The following GCM1 variants were observed in gnomAD, a reference collection of about 807,000 sequenced individuals.
GCM1 encodes GCM transcription factor 1, also known as chorion-specific transcription factor GCMa.
A neutral mutation model predicts 25.7 loss-of-function variants in GCM1; 2 were observed. The observed-to-expected ratio is 0.08, with a 90% CI of 0.03 to 0.24. The LOEUF (loss-of-function observed/expected upper bound fraction) is 0.24, where lower values mean the gene tolerates loss of function less well. Among genes scored for constraint, GCM1 ranks in the 10% least tolerant of loss-of-function variants. The pLI, the probability that GCM1 is intolerant of heterozygous loss-of-function variation, is 1.00. For synonymous variants in GCM1, 183 were observed against 195.7 expected (o/e 0.94, Z 0.54); for missense variants, 395 against 538.7 (o/e 0.73, Z 2.64).
In GCM1 at chr6:53,128,362, T is replaced by C. The variant is rs565567636; in HGVS notation, c.1155A>G (p.Gln385=). 1.1e-5 allele frequency: 17 copies of C among 1,613,940 alleles called. No homozygotes were observed. Among genetic ancestry groups the C allele is most frequent in the South Asian group, 3.3e-5 (3 of 91,086 alleles). ...CGTAGGTGAAGAGAAAGGGGTCTTC[T>C]TGAGGTGAATGGTATGCAGGAGACT... ...YVQSPAYHSP[Q]EDPFLFTYAS... Residue 385 remains glutamine, a synonymous_variant, in exon 6 of 6, where the codon CAA becomes CAG. Coordinates refer to ENST00000259803, the MANE Select transcript of GCM1 (RefSeq NM_003643.4).
intron 2 of GCM1, among the ~76,000 whole-genome samples, chr6:53,136,513 G>A (rs937832067): frequency 2.6e-5 from 4 of 152,158 alleles, no homozygotes; most frequent in Admixed American, 1.3e-4. Flanking sequence ...TTAAAATAGT[G>A]CCTCACACGC....
At chr6:53,131,068 G>T (rs1245694834) in intron 4 of GCM1, 137 bp from the exon 5 acceptor site, 2 of 776,722 alleles carry the variant, frequency 2.6e-6, no homozygotes, top group Non-Finnish European at 4.2e-6. Flanking sequence ...CAGACTGGAT[G>T]AACCTCTGAA....
Position 53,128,707 on chromosome 6 carries a change from A to G in GCM1, c.810T>C (p.Ser270=), listed in dbSNP as rs749561815. The change falls in exon 6 of 6, where the codon AGT becomes AGC. Residue 270 remains serine (S), a synonymous_variant. Transcript: ENST00000259803. ...GGTCTCCACTACTGTAGGTTCTGCT[A>G]CTGGACAATTTGCGCTTTTCATAGA... The part of the protein sequence containing the change: ...MKLYEKRKLS[S]SRTYSSGDLL... 1 of 1,614,136 alleles carries G rather than the reference A, an allele frequency of 6.2e-7. No homozygotes were observed. The highest frequency in any genetic ancestry group is 1.3e-5 in the African/African-American group (1 of 75,066).
chr6:53,139,689 A>G (rs866076427), intron 2 of GCM1, among the ~76,000 whole-genome samples: 2 of 151,866 alleles, frequency 1.3e-5, no homozygotes, highest in Non-Finnish European at 2.9e-5. Flanking sequence ...TTGAAACCCC[A>G]TCTCTACTAA....
chr6:53,140,530 CAAA>C (rs10629921), intron 2 of GCM1, among the ~76,000 whole-genome samples: 1,327 of 128,558 alleles, frequency 0.01, 29 homozygotes, highest in African/African-American at 0.036. Context: ...TTCTCTCTAC[CAAA>C]AAAAAAAAAA....
chr6:53,134,720 C>A (rs936842369), intron 2 of GCM1, among the ~76,000 whole-genome samples: 1 of 152,186 alleles, frequency 6.6e-6, no homozygotes, highest in Non-Finnish European at 1.5e-5. Flanking sequence ...GCAGTCCTAG[C>A]AACTCAGGAG....
chr6:53,144,994 GAAAGAAAGAAAAAA>G (rs371918596), intron 2 of GCM1, among the ~76,000 whole-genome samples: 11 of 138,548 alleles, frequency 7.9e-5, no homozygotes, highest in South Asian at 7.0e-4. Flanking sequence ...AAGAGAGAGA[GAAAGAAAGAAAAAA>G]AGAAAGAAAG....
intron 2 of GCM1, among the ~76,000 whole-genome samples, chr6:53,143,261 T>C (rs1168058309): frequency 6.6e-6 from 1 of 152,206 alleles, no homozygotes; most frequent in Non-Finnish European, 1.5e-5. Flanking sequence ...TATACATTTC[T>C]CAGTTTAATG....
intron 2 of GCM1, among the ~76,000 whole-genome samples, chr6:53,140,427 G>A (rs1004913262): frequency 2.7e-5 from 4 of 149,962 alleles, no homozygotes; most frequent in Non-Finnish European, 5.9e-5. Flanking sequence ...AGAGACAAAG[G>A]AAGTTTGGCT....
Position 53,130,785 on chromosome 6 carries a change from T to C in GCM1, c.570+18A>G. On this transcript the variant is annotated intron_variant, in intron 5 of 5. Coordinates refer to ENST00000259803, the MANE Select transcript of GCM1 (RefSeq NM_003643.4). ...GGCAAGCTACTGCATGTATTGAACA[T>C]ACATAATGAAGGATTACCCTGGTCT... is the stretch of plus-strand genomic sequence containing the variant. 6.2e-7 allele frequency: 1 copy of C among 1,610,900 alleles called. No homozygotes were observed. Among genetic ancestry groups the C allele is most frequent in the Non-Finnish European group, 8.5e-7 (1 of 1,178,020 alleles).
chr6:53,144,238 A>G (rs866744268), intron 2 of GCM1, among the ~76,000 whole-genome samples: 1 of 152,014 alleles, frequency 6.6e-6, no homozygotes, highest in South Asian at 2.1e-4. Context: ...CTTGGGCAAC[A>G]TTGTGAGACC....
chr6:53,146,521 G>A (rs1469068003), intron 1 of GCM1, among the ~76,000 whole-genome samples: 4 of 151,742 alleles, frequency 2.6e-5, no homozygotes, highest in Admixed American at 6.6e-5. Context: ...CACCCGGCCA[G>A]AAAAAAAATA....
At chr6:53,141,473 G>A (rs1200275550) in intron 2 of GCM1, among the ~76,000 whole-genome samples, 1 of 151,808 alleles carries the variant, frequency 6.6e-6, no homozygotes, top group African/African-American at 2.4e-5. Context: ...GGATCACGAG[G>A]TCGGGAGATC....
Position 53,143,566 on chromosome 6 carries a change from C to T in GCM1, c.75+1992G>A, listed in dbSNP as rs116780549. 2.7e-3 allele frequency among the ~76,000 whole-genome samples: 415 copies of T among 152,226 alleles called. 1 individual carries two copies. The highest frequency in any genetic ancestry group is 0.017 in the Middle Eastern group (5 of 294). ...CCAACTTCTATTTGGGTGTTGCAATCATGAAGTTAGAAAAAGGTGAAAATA... is the reference window on the plus strand; with the variant it reads ...CCAACTTCTATTTGGGTGTTGCAATTATGAAGTTAGAAAAAGGTGAAAATA... On this transcript the variant is annotated intron_variant, in intron 2 of 5. Transcript: ENST00000259803.
At position 53,145,685 on chromosome 6, in the gene GCM1, C is replaced by T. The variant is rs768506971; in HGVS notation, c.-53G>A. ...ACCTATTCGACTCCCCTCAGAAATGCTTGAGAATTTTGTTCTCAAAGGTTC... is the reference window on the plus strand; with the variant it reads ...ACCTATTCGACTCCCCTCAGAAATGTTTGAGAATTTTGTTCTCAAAGGTTC... On this transcript the variant is annotated 5_prime_UTR_variant, in exon 2 of 6. Coordinates refer to ENST00000259803, the MANE Select transcript of GCM1 (RefSeq NM_003643.4). 93 of 1,020,954 alleles carry T rather than the reference C, an allele frequency of 9.1e-5. No individual in the cohort carries two copies. The highest frequency in any genetic ancestry group is 1.4e-4 in the Non-Finnish European group (89 of 646,322). The allele number at this position is 1,020,954 out of a possible 1,614,324, so 63.2% of individuals were successfully genotyped here.
chr6:53,141,158 C>G (rs1045071472), intron 2 of GCM1, among the ~76,000 whole-genome samples: 1 of 152,116 alleles, frequency 6.6e-6, no homozygotes, highest in Non-Finnish European at 1.5e-5. Flanking sequence ...TTCCACTAGC[C>G]CAGAAGATCA....
chr6:53,146,158 T>C (rs1254134722), intron 1 of GCM1, among the ~76,000 whole-genome samples: 1 of 149,488 alleles, frequency 6.7e-6, no homozygotes, highest in Non-Finnish European at 1.5e-5. Flanking sequence ...GAGGGGAACA[T>C]CACACTGAAT....
At chr6:53,134,400 TAGGA>T (rs1763769176) in intron 2 of GCM1, 76 bp from the exon 3 acceptor site, 1 of 1,401,354 alleles carries the variant, frequency 7.1e-7, no homozygotes. Flanking sequence ...AGTGAGTAGA[TAGGA>T]AGGATGTTTT....
chr6:53,141,252 C>G (rs147555646), intron 2 of GCM1, among the ~76,000 whole-genome samples: 1 of 152,258 alleles, frequency 6.6e-6, no homozygotes, highest in East Asian at 1.9e-4. Context: ...TTAAGTTTCT[C>G]AAAAATGTCT....
Sources: allele counts gnomAD v4.1 joint callset (sites outside exome capture counted in the v4.1 genomes callset), GRCh38; gene constraint gnomAD v4.1.1; transcripts MANE v1.5; gene names NCBI Gene and HGNC (gene_info 2026-07-23, HGNC 2026-07-21).